Variants in MPP7 observed in about 807,000 individuals in gnomAD.
The protein encoded by MPP7 is MAGUK p55 scaffold protein 7, also known as MAGUK p55 subfamily member 7.
A neutral mutation model predicts 76.5 loss-of-function variants in MPP7; 60 were observed. The observed-to-expected ratio is 0.78, with a 90% CI of 0.64 to 0.97. MPP7 has a LOEUF of 0.97. MPP7 is among the 50% of genes least tolerant of loss of function. The probability of loss-of-function intolerance (pLI) is 0.00; values close to 1 mark genes in which losing one functional copy is unlikely to be tolerated. For synonymous variants in MPP7, 237 were observed against 244.5 expected (o/e 0.97, Z 0.29); for missense variants, 641 against 694.0 (o/e 0.92, Z 0.86).
intron 11 of MPP7, among the ~76,000 whole-genome samples, chr10:28,103,955 T>C (rs1853955944): frequency 6.6e-6 from 1 of 152,180 alleles, no homozygotes. Context: ...CCATGTGAAA[T>C]TGCTGGCATT....
intron 2 of MPP7, among the ~76,000 whole-genome samples, chr10:28,315,374 AAGAG>A (rs1406621071): frequency 6.8e-6 from 1 of 147,484 alleles, no homozygotes; most frequent in East Asian, 2.2e-4. Context: ...GGAAGGAAGG[AAGAG>A]AGGGAGGGAG....
intron 1 of MPP7, among the ~76,000 whole-genome samples, chr10:28,293,183 A>C (rs1840961945): frequency 1.3e-5 from 2 of 152,194 alleles, no homozygotes; most frequent in Non-Finnish European, 2.9e-5. Context: ...AAAAAGAAGA[A>C]AACTGCTATA....
chr10:28,075,972 T>C (rs571336093), intron 12 of MPP7, among the ~76,000 whole-genome samples: 1 of 152,216 alleles, frequency 6.6e-6, no homozygotes, highest in Non-Finnish European at 1.5e-5. Flanking sequence ...GATGCTATTA[T>C]GCAGGTGAAA....
chr10:28,055,616 T>C (rs1234605568), intron 16 of MPP7, among the ~76,000 whole-genome samples: 1 of 152,190 alleles, frequency 6.6e-6, no homozygotes, highest in Non-Finnish European at 1.5e-5. Context: ...AATACAAATA[T>C]TATTGCTGAA....
chr10:28,315,528 C>T (rs1257691618), intron 2 of MPP7, among the ~76,000 whole-genome samples: 4 of 152,134 alleles, frequency 2.6e-5, no homozygotes, highest in Admixed American at 2.6e-4. Flanking sequence ...TCCCTCCTGG[C>T]CACTGCAGAC....
intron 1 of MPP7, among the ~76,000 whole-genome samples, chr10:28,297,738 T>C (rs1841067647): frequency 6.6e-6 from 1 of 152,218 alleles, no homozygotes; most frequent in Non-Finnish European, 1.5e-5. Flanking sequence ...ATCAACTCAC[T>C]CTGCCTTTCA....
intron 2 of MPP7, among the ~76,000 whole-genome samples, chr10:28,210,550 C>T (rs1305402129): frequency 6.6e-6 from 1 of 151,850 alleles, no homozygotes; most frequent in Non-Finnish European, 1.5e-5. Flanking sequence ...ACATAAAACC[C>T]CTAAACATGG....
chr10:28,192,116 AT>A (rs1318442187), intron 3 of MPP7, among the ~76,000 whole-genome samples: 1 of 152,116 alleles, frequency 6.6e-6, no homozygotes, highest in African/African-American at 2.4e-5. Context: ...CCCATTCACA[AT>A]AAAAACTCTG....
intron 13 of MPP7, 41 bp downstream of exon 13, chr10:28,069,731 G>A (rs768672509): frequency 5.4e-5 from 76 of 1,420,534 alleles, no homozygotes; most frequent in Middle Eastern, 1.9e-4. Context: ...TAAAATTATC[G>A]TAAGTGTAGT....
chr10:28,191,291 G>A (rs941259358), intron 3 of MPP7, among the ~76,000 whole-genome samples: 6 of 152,018 alleles, frequency 3.9e-5, no homozygotes, highest in African/African-American at 1.4e-4. Flanking sequence ...CTCATTCTAC[G>A]AGGCCAGCAT....
intron 3 of MPP7, among the ~76,000 whole-genome samples, chr10:28,175,233 T>A (rs1422721720): frequency 6.6e-6 from 1 of 151,470 alleles, no homozygotes; most frequent in Non-Finnish European, 1.5e-5. Flanking sequence ...GAGGGTGCAG[T>A]GAGCTGAGAT....
At chr10:28,282,821 C>T (rs976998639) in intron 1 of MPP7, among the ~76,000 whole-genome samples, 3 of 151,892 alleles carry the variant, frequency 2.0e-5, no homozygotes, top group African/African-American at 4.9e-5. Flanking sequence ...CTCCTCCCAA[C>T]CTGACCCCCA....
At chr10:28,173,507 T>C (rs1235514928) in intron 3 of MPP7, among the ~76,000 whole-genome samples, 1 of 152,208 alleles carries the variant, frequency 6.6e-6, no homozygotes, top group African/African-American at 2.4e-5. Context: ...CATTTCTATG[T>C]ATCAGCTCTG....
At chr10:28,297,077 C>T (rs573871602) in intron 1 of MPP7, among the ~76,000 whole-genome samples, 3 of 152,250 alleles carry the variant, frequency 2.0e-5, no homozygotes, top group East Asian at 3.9e-4. Context: ...TTTCTGAAAT[C>T]GTAGGCATAC....
intron 2 of MPP7, among the ~76,000 whole-genome samples, chr10:28,218,062 G>A (rs548571873): frequency 6.6e-6 from 1 of 152,276 alleles, no homozygotes; most frequent in Admixed American, 6.5e-5. Flanking sequence ...GATGTGTAAT[G>A]CAACTGAAAG....
upstream of MPP7, chr10:28,303,550 A>G (rs1048218887): frequency 7.0e-4 from 106 of 152,178 alleles, no homozygotes; most frequent in African/African-American, 2.5e-3. Flanking sequence ...TGAGAGGGAT[A>G]TTGTTATGCA....
At chr10:28,109,158 G>T (rs1025661629) in intron 11 of MPP7, among the ~76,000 whole-genome samples, 2 of 151,928 alleles carry the variant, frequency 1.3e-5, no homozygotes, top group Admixed American at 6.6e-5. Context: ...CGTGGTGGTG[G>T]GTGCCTGTAA....
intron 2 of MPP7, among the ~76,000 whole-genome samples, chr10:28,311,120 A>G (rs1477230592): frequency 6.6e-6 from 1 of 152,214 alleles, no homozygotes; most frequent in African/African-American, 2.4e-5. Context: ...AAAATGAAAG[A>G]GTTTTCATCA....
chr10:28,060,471 G>A (rs1851737025), intron 13 of MPP7, among the ~76,000 whole-genome samples: 1 of 152,188 alleles, frequency 6.6e-6, no homozygotes, highest in Admixed American at 6.5e-5. Context: ...TAAAAACTAT[G>A]GATGCCAAGA....
Sources: gnomAD v4.1 joint callset for allele counts (sites outside exome capture counted in the v4.1 genomes callset) on GRCh38, gnomAD v4.1.1 for gene constraint, MANE v1.5 for transcripts, NCBI Gene and HGNC (gene_info 2026-07-23, HGNC 2026-07-21) for gene names.